The following TANGO2 variants were observed in gnomAD, a reference collection of about 807,000 sequenced individuals.
The protein encoded by TANGO2 is transport and golgi organization 2 homolog.
In TANGO2, 26 loss-of-function variants were observed where a neutral mutation model predicts 39.1. That is an observed-to-expected ratio of 0.67 (90% CI 0.49 to 0.92). The LOEUF is 0.92. TANGO2 is among the 40% of genes least tolerant of loss of function. TANGO2 has a pLI of 0.00. For synonymous variants in TANGO2, 131 were observed against 144.5 expected (o/e 0.91, Z 0.67); for missense variants, 326 against 360.1 (o/e 0.91, Z 0.77).
rs776797085 is a variant in TANGO2 at position 20,036,845 on chromosome 22, A to C, written c.47A>C (p.Asn16Thr). Residue 16 changes from asparagine (N) to threonine (T), a missense_variant, in exon 2 of 9, where the codon AAC becomes ACC. Physicochemically the swap from Asn to Thr is moderately conservative, Grantham distance 65. Transcript: ENST00000327374. ...FKFDPRPVSK[N>T]AYRLILAANR... ...TTTGATCCTCGCCCTGTTTCCAAAA[A>C]CGCGTACAGGTAACCCCCTCGCTCT... 4 of 1,613,978 alleles carry C rather than the reference A, an allele frequency of 2.5e-6. No homozygotes were observed. Among genetic ancestry groups the C allele is most frequent in the Middle Eastern group, 1.6e-4 (1 of 6,084 alleles).
Position 20,033,189 on chromosome 22 carries a change from G to A in TANGO2, c.-39-3571G>A, listed in dbSNP as rs1279741318. On this transcript the variant is annotated intron_variant, in intron 1 of 8. Transcript: ENST00000327374. ...GCAGTTCCTGATGGTCCCCTCCCCAGGGGCTGGCTTTCCTCTGGTCCTTCC... is the reference window on the plus strand; with the variant it reads ...GCAGTTCCTGATGGTCCCCTCCCCAAGGGCTGGCTTTCCTCTGGTCCTTCC... 22 of 523,728 alleles carry A rather than the reference G, an allele frequency of 4.2e-5. No homozygotes were observed. The Admixed American group carries it at 4.4e-4, about 10-fold the overall frequency. The allele number at this position is 523,728 out of a possible 1,614,324, so 32.4% of individuals were successfully genotyped here.
intron 2 of TANGO2, 101 bp downstream of exon 2, chr22:20,036,955 CA>C (rs766990945): frequency 3.8e-5 from 61 of 1,612,484 alleles, no homozygotes; most frequent in Non-Finnish European, 1.7e-6. Flanking sequence ...GTGTGTGGGC[CA>C]GGACGGGGCT....
At chr22:20,027,684 T>G (rs2041039970) in intron 1 of TANGO2, among the ~76,000 whole-genome samples, 1 of 151,944 alleles carries the variant, frequency 6.6e-6, no homozygotes. Context: ...CATAGCTCAC[T>G]GCAGCCTCAA....
intron 1 of TANGO2, among the ~76,000 whole-genome samples, chr22:20,033,972 G>A (rs560514170): frequency 3.3e-5 from 5 of 152,348 alleles, no homozygotes; most frequent in Non-Finnish European, 7.3e-5. Flanking sequence ...TTGGGAGGCC[G>A]AGGTGGGTGG....
chr22:20,031,412 A>G (rs1451300145), intron 1 of TANGO2, among the ~76,000 whole-genome samples: 2 of 152,194 alleles, frequency 1.3e-5, no homozygotes, highest in African/African-American at 2.4e-5. Flanking sequence ...GAACCTCACC[A>G]CCATGCCACG....
chr22:20,061,898 G>T, intron 7 of TANGO2: 1 of 578,670 alleles, frequency 1.7e-6, no homozygotes. Context: ...GATGGGCCCA[G>T]GCCCAGGCCC....
chr22:20,019,183 C>T (rs972577088), upstream of TANGO2: 1 of 152,256 alleles, frequency 6.6e-6, no homozygotes, highest in African/African-American at 2.4e-5. Context: ...TCACCTAGCT[C>T]CATGCGGACA....
intron 3 of TANGO2, among the ~76,000 whole-genome samples, chr22:20,046,417 G>A (rs916754779): frequency 6.6e-6 from 1 of 151,642 alleles, no homozygotes; most frequent in Non-Finnish European, 1.5e-5. Context: ...GAAAGTGCTG[G>A]GATTACAGAT....
chr22:20,052,193 G>A (rs907015890), intron 3 of TANGO2, among the ~76,000 whole-genome samples: 1 of 152,248 alleles, frequency 6.6e-6, no homozygotes, highest in Non-Finnish European at 1.5e-5. Context: ...GTGTTCTGCA[G>A]GGCATCTGTT....
chr22:20,034,830 T>C (rs558136101), intron 1 of TANGO2, among the ~76,000 whole-genome samples: 1 of 152,344 alleles, frequency 6.6e-6, no homozygotes, highest in South Asian at 2.1e-4. Flanking sequence ...TCAGGCAGGA[T>C]TGGCCACTGT....
chr22:20,035,142 A>G (rs751327797), intron 1 of TANGO2, among the ~76,000 whole-genome samples: 13 of 152,168 alleles, frequency 8.5e-5, no homozygotes, highest in African/African-American at 2.9e-4. Context: ...TGGCCAGCAG[A>G]CCATCTCAAA....
chr22:20,025,161 G>A (rs563074746), intron 1 of TANGO2, among the ~76,000 whole-genome samples: 3 of 149,542 alleles, frequency 2.0e-5, no homozygotes, highest in South Asian at 4.3e-4. Flanking sequence ...ACCTGAGATC[G>A]TGCCACTGCA....
At chr22:20,048,732 C>T (rs964578943) in intron 3 of TANGO2, among the ~76,000 whole-genome samples, 6 of 152,000 alleles carry the variant, frequency 3.9e-5, no homozygotes, top group African/African-American at 7.2e-5. Context: ...CTGCAACCTC[C>T]GCCTCCCAGG....
chr22:20,063,692 T>C, intron 8 of TANGO2: 1 of 422,132 alleles, frequency 2.4e-6, no homozygotes, highest in Admixed American at 4.2e-5. Context: ...CAGGGCTGCC[T>C]GCACATTGGT....
rs695727 is a variant in TANGO2 at position 20,053,298 on chromosome 22, T to TG, written c.266-138dup. On this transcript the variant is annotated intron_variant, in intron 4 of 8. Coordinates refer to ENST00000327374, the MANE Select transcript of TANGO2 (RefSeq NM_152906.7). ...AGGCTAATGAGGTGTGGCTGACTCTTGCGGCAGTCATGACAGGCCAGGGCT... is the reference window on the plus strand; with the variant it reads ...AGGCTAATGAGGTGTGGCTGACTCTTGGCGGCAGTCATGACAGGCCAGGGCT... The TG allele has an allele frequency of 0.066, 41,110 of 626,442 alleles. 1,528 individuals carry two copies. The highest frequency in any genetic ancestry group is 0.1 in the South Asian group (5,653 of 53,852). 38.8% of individuals were successfully genotyped at this position (626,442 alleles called of 1,614,324 possible). A position where few individuals can be genotyped will look rare whatever the true frequency, so the allele number is the denominator to read the frequency against.
At chr22:20,060,941 G>A (rs1040143127) in intron 6 of TANGO2, among the ~76,000 whole-genome samples, 3 of 152,114 alleles carry the variant, frequency 2.0e-5, no homozygotes, top group Non-Finnish European at 4.4e-5. Context: ...TTTTCCTGTT[G>A]GCCATGCCTT....
At chr22:20,050,399 T>A (rs2046104101) in intron 3 of TANGO2, among the ~76,000 whole-genome samples, 1 of 144,918 alleles carries the variant, frequency 6.9e-6, no homozygotes, top group South Asian at 2.3e-4. Context: ...AGTCTTGGTC[T>A]GTTGCCCAGG....
chr22:20,020,080 T>A (rs2039457484), upstream of TANGO2, among the ~76,000 whole-genome samples: 1 of 152,210 alleles, frequency 6.6e-6, no homozygotes, highest in Non-Finnish European at 1.5e-5. Context: ...ACCTAGGTCT[T>A]CAACACAGGT....
chr22:20,052,686 G>A lies in TANGO2; in HGVS notation c.265+102G>A, dbSNP rs1250548502. On this transcript the variant is annotated intron_variant, in intron 4 of 8. Transcript: ENST00000327374. ...GGACTACAGGACTGGCCAATGTATG[G>A]TGGAGTGGGGCGGGCCAAGGTAGGA... 1.3e-5 allele frequency: 19 copies of A among 1,424,404 alleles called. No homozygotes were observed. The East Asian group carries it at 4.2e-4, about 32-fold the overall frequency. 88.2% of individuals were successfully genotyped at this position (1,424,404 alleles called of 1,614,324 possible). A position where few individuals can be genotyped will look rare whatever the true frequency, so the allele number is the denominator to read the frequency against.
Sources: allele counts gnomAD v4.1 joint callset (sites outside exome capture counted in the v4.1 genomes callset), GRCh38; gene constraint gnomAD v4.1.1; transcripts MANE v1.5; gene names NCBI Gene and HGNC (gene_info 2026-07-23, HGNC 2026-07-21).